GALNT17: variants seen among roughly 807,000 people sequenced by gnomAD.
GALNT17 encodes UDP-GalNAc:polypeptide N-acetylgalactosaminyltransferase-like 3.
Under a neutral mutation model 63.7 loss-of-function variants are expected in GALNT17, and 29 were observed. The observed-to-expected ratio is 0.46, with a 90% CI of 0.34 to 0.62. The LOEUF (loss-of-function observed/expected upper bound fraction) is 0.62, where lower values mean the gene tolerates loss of function less well. Ranked by LOEUF, GALNT17 falls within the 20% of genes least tolerant of loss-of-function variation. GALNT17 has a pLI of 0.01. For missense variants in GALNT17, 603 were observed against 799.6 expected (o/e 0.75, Z 2.97); for synonymous variants, 305 against 318.3 (o/e 0.96, Z 0.45).
intron 2 of GALNT17, among the ~76,000 whole-genome samples, chr7:71,353,569 CTTAA>C (rs967598814): frequency 5.9e-5 from 9 of 152,288 alleles, no homozygotes; most frequent in African/African-American, 1.7e-4. Context: ...TAAAATGCCT[CTTAA>C]TTCATATTTG....
At chr7:71,479,746 G>C (rs1464993870) in intron 5 of GALNT17, among the ~76,000 whole-genome samples, 1 of 152,158 alleles carries the variant, frequency 6.6e-6, no homozygotes, top group Non-Finnish European at 1.5e-5. Context: ...AACAGGCCGG[G>C]TCTTGAAAAC....
At chr7:71,387,690 T>C (rs529637994) in intron 2 of GALNT17, among the ~76,000 whole-genome samples, 2 of 151,786 alleles carry the variant, frequency 1.3e-5, no homozygotes, top group East Asian at 3.9e-4. Flanking sequence ...GCAAAGAAGG[T>C]TTCAGGCAAG....
chr7:71,421,582 C>G (rs11981510), intron 5 of GALNT17, among the ~76,000 whole-genome samples: 1 of 151,946 alleles, frequency 6.6e-6, no homozygotes, highest in Non-Finnish European at 1.5e-5. Context: ...GCTCTTGCCC[C>G]GGGTCCCACC....
intron 5 of GALNT17, among the ~76,000 whole-genome samples, chr7:71,542,682 T>G (rs1788912910): frequency 1.8e-5 from 2 of 108,316 alleles, no homozygotes; most frequent in East Asian, 2.3e-4. Context: ...AGCGACAGAG[T>G]GAGACTCCCT....
intron 1 of GALNT17, among the ~76,000 whole-genome samples, chr7:71,259,075 C>T (rs1426630470): frequency 1.3e-5 from 2 of 152,172 alleles, no homozygotes; most frequent in Non-Finnish European, 2.9e-5. Flanking sequence ...AAGCCTGGCA[C>T]ACCGTACCCA....
intron 1 of GALNT17, among the ~76,000 whole-genome samples, chr7:71,291,188 A>G (rs549354328): frequency 6.6e-6 from 1 of 152,184 alleles, no homozygotes; most frequent in Non-Finnish European, 1.5e-5. Context: ...AATTTCCCCA[A>G]CACCTTTTAC....
chr7:71,626,209 A>C (rs1377411631), intron 6 of GALNT17, among the ~76,000 whole-genome samples: 1 of 148,258 alleles, frequency 6.7e-6, no homozygotes, highest in Admixed American at 6.9e-5. Flanking sequence ...ACGCCATTGC[A>C]CTCCAGCCTG....
intron 8 of GALNT17, among the ~76,000 whole-genome samples, chr7:71,674,349 TAA>T (rs398005156): frequency 0.13 from 19,292 of 148,870 alleles, 2,142 homozygotes; most frequent in East Asian, 0.52. Flanking sequence ...TCTTCCTTTT[TAA>T]AAAAAAAAAA....
At chr7:71,687,079 T>G (rs1481891332) in intron 9 of GALNT17, among the ~76,000 whole-genome samples, 2 of 152,104 alleles carry the variant, frequency 1.3e-5, no homozygotes, top group Non-Finnish European at 1.5e-5. Flanking sequence ...GCCCAGGACC[T>G]TTCTGATTCA....
At chr7:71,326,847 T>C in intron 1 of GALNT17, among the ~76,000 whole-genome samples, 1 of 152,210 alleles carries the variant, frequency 6.6e-6, no homozygotes, top group Non-Finnish European at 1.5e-5. Context: ...GTGCCTTTCA[T>C]TGCCACACCA....
At chr7:71,640,536 T>C (rs1790589209) in intron 6 of GALNT17, among the ~76,000 whole-genome samples, 1 of 152,220 alleles carries the variant, frequency 6.6e-6, no homozygotes, top group South Asian at 2.1e-4. Context: ...ACATTCTAGT[T>C]GTTGTGGCTA....
At chr7:71,537,273 C>G (rs1788816597) in intron 5 of GALNT17, among the ~76,000 whole-genome samples, 1 of 152,180 alleles carries the variant, frequency 6.6e-6, no homozygotes, top group Non-Finnish European at 1.5e-5. Flanking sequence ...GCTTAAATCT[C>G]TTTGTGTCCT....
At chr7:71,487,554 A>G (rs1787931590) in intron 5 of GALNT17, among the ~76,000 whole-genome samples, 1 of 152,148 alleles carries the variant, frequency 6.6e-6, no homozygotes, top group Admixed American at 6.5e-5. Flanking sequence ...GGAAGATTGC[A>G]TGAACCCAGG....
intron 2 of GALNT17, among the ~76,000 whole-genome samples, chr7:71,379,117 G>A (rs765820278): frequency 6.6e-6 from 1 of 152,162 alleles, no homozygotes; most frequent in Admixed American, 6.5e-5. Context: ...AAGTAACAAA[G>A]GAGAAGTGCC....
intron 1 of GALNT17, among the ~76,000 whole-genome samples, chr7:71,260,846 C>A (rs1790372734): frequency 1.3e-5 from 2 of 152,208 alleles, no homozygotes; most frequent in Non-Finnish European, 2.9e-5. Context: ...TCAAGCAATT[C>A]TCTTGCCTCA....
At chr7:71,212,800 T>C (rs1789406569) in intron 1 of GALNT17, among the ~76,000 whole-genome samples, 1 of 152,118 alleles carries the variant, frequency 6.6e-6, no homozygotes, top group African/African-American at 2.4e-5. Context: ...GTGACCCCTT[T>C]GTTTTGGCCA....
chr7:71,481,611 C>T (rs1239186275), intron 5 of GALNT17, among the ~76,000 whole-genome samples: 1 of 152,100 alleles, frequency 6.6e-6, no homozygotes, highest in Non-Finnish European at 1.5e-5. Flanking sequence ...GGGGAAACAG[C>T]AGCCGCTTTG....
chr7:71,376,315 ATT>A (rs541338731), intron 2 of GALNT17, among the ~76,000 whole-genome samples: 2 of 133,738 alleles, frequency 1.5e-5, no homozygotes, highest in Non-Finnish European at 1.6e-5. Flanking sequence ...GCACAGGAGG[ATT>A]TTTTTTTTTT....
At chr7:71,220,621 C>T (rs1027899890) in intron 1 of GALNT17, among the ~76,000 whole-genome samples, 2 of 152,102 alleles carry the variant, frequency 1.3e-5, no homozygotes, top group African/African-American at 4.8e-5. Context: ...TGTGTCTGTA[C>T]TTGGAGATAG....
Sources: allele counts gnomAD v4.1 joint callset (sites outside exome capture counted in the v4.1 genomes callset), GRCh38; gene constraint gnomAD v4.1.1; transcripts MANE v1.5; gene names NCBI Gene and HGNC (gene_info 2026-07-23, HGNC 2026-07-21).